Variants in ANK3 observed in about 807,000 individuals in gnomAD.
The protein encoded by ANK3 is ankyrin 3.
Under a neutral mutation model 370.9 loss-of-function variants are expected in ANK3, and 57 were observed. The observed-to-expected ratio is 0.15, with a 90% CI of 0.12 to 0.19. The LOEUF is 0.19. ANK3 is among the 10% of genes least tolerant of loss of function. The pLI, the probability that ANK3 is intolerant of heterozygous loss-of-function variation, is 1.00. For missense variants in ANK3, 4,439 were observed against 5,302.1 expected, an observed-to-expected ratio of 0.84 and a Z score of 5.06; for synonymous variants, 1,929 against 1,946.3, an observed-to-expected ratio of 0.99 and a Z score of 0.23.
chr10:60,046,419 T>C (rs2076974925), intron 42 of ANK3, among the ~76,000 whole-genome samples: 1 of 152,184 alleles, frequency 6.6e-6, no homozygotes, highest in Non-Finnish European at 1.5e-5. Flanking sequence ...TAAAATGGTA[T>C]CCTATTGGGC....
chr10:60,495,857 G>A (rs571556007), intron 2 of ANK3, among the ~76,000 whole-genome samples: 1 of 152,168 alleles, frequency 6.6e-6, no homozygotes, highest in East Asian at 1.9e-4. Flanking sequence ...ACTCCCAAAG[G>A]CTTGTCTTCA....
At chr10:60,529,868 A>T (rs1274596034) in intron 2 of ANK3, among the ~76,000 whole-genome samples, 1 of 152,198 alleles carries the variant, frequency 6.6e-6, no homozygotes, top group Non-Finnish European at 1.5e-5. Flanking sequence ...AAGCCTCAGA[A>T]TTTGTTTTCG....
chr10:60,378,299 G>T (rs558578537), intron 1 of ANK3, among the ~76,000 whole-genome samples: 1 of 152,202 alleles, frequency 6.6e-6, no homozygotes, highest in African/African-American at 2.4e-5. Context: ...AAATTAGTCT[G>T]TTTTAAAGCC....
intron 40 of ANK3, chr10:60,060,279 G>C: frequency 7.9e-6 from 2 of 252,544 alleles, no homozygotes; most frequent in Admixed American, 9.8e-5. Context: ...CTAATCCAAA[G>C]TATGCAGACT....
intron 40 of ANK3, chr10:60,061,982 G>C (rs1310791530): frequency 6.6e-6 from 1 of 152,066 alleles, no homozygotes; most frequent in African/African-American, 2.4e-5. Flanking sequence ...ATTCATTATA[G>C]AGGCTGGGTG....
At chr10:60,538,557 T>C (rs2076774775) in intron 2 of ANK3, among the ~76,000 whole-genome samples, 1 of 151,930 alleles carries the variant, frequency 6.6e-6, no homozygotes. Context: ...TATCCAGTCA[T>C]GCATATAGCC....
chr10:60,679,257 G>A (rs1017332131), intron 1 of ANK3, among the ~76,000 whole-genome samples: 4 of 152,166 alleles, frequency 2.6e-5, no homozygotes, highest in East Asian at 1.9e-4. Flanking sequence ...GTTACAGTAC[G>A]TAGTTAAGCG....
intron 2 of ANK3, among the ~76,000 whole-genome samples, chr10:60,421,490 G>C (rs755728840): frequency 5.3e-5 from 8 of 151,950 alleles, no homozygotes; most frequent in Non-Finnish European, 1.0e-4. Context: ...ACCAGCCTGT[G>C]AAACTAGAGA....
chr10:60,360,931 T>C (rs1039509466), intron 1 of ANK3, among the ~76,000 whole-genome samples: 7 of 152,196 alleles, frequency 4.6e-5, no homozygotes, highest in Admixed American at 6.5e-5. Context: ...AGAAAGATTA[T>C]CAATTTTTTT....
At chr10:60,291,902 C>G (rs551421084) in intron 1 of ANK3, among the ~76,000 whole-genome samples, 1 of 152,056 alleles carries the variant, frequency 6.6e-6, no homozygotes, top group Non-Finnish European at 1.5e-5. Flanking sequence ...TCAGTAGAGA[C>G]GGAGTTTTGC....
intron 23 of ANK3, among the ~76,000 whole-genome samples, chr10:60,145,553 G>A (rs1365358968): frequency 6.6e-6 from 1 of 152,024 alleles, no homozygotes; most frequent in African/African-American, 2.4e-5. Flanking sequence ...CACTGTGTTT[G>A]GTGTTTTATA....
chr10:60,182,833 T>TG (rs2096234945), intron 17 of ANK3, among the ~76,000 whole-genome samples: 1 of 152,228 alleles, frequency 6.6e-6, no homozygotes, highest in African/African-American at 2.4e-5. Context: ...GGAGGACTGA[T>TG]GCATTCACTT....
intron 2 of ANK3, among the ~76,000 whole-genome samples, chr10:60,549,053 A>G (rs2077033473): frequency 6.6e-6 from 1 of 152,012 alleles, no homozygotes; most frequent in Admixed American, 6.6e-5. Flanking sequence ...AGCCTTTATT[A>G]CCAGTCCTTC....
intron 2 of ANK3, among the ~76,000 whole-genome samples, chr10:60,414,548 G>T (rs2063622396): frequency 6.6e-6 from 1 of 152,082 alleles, no homozygotes; most frequent in Non-Finnish European, 1.5e-5. Context: ...CAATTTTTTT[G>T]AGGGAGATCT....
chr10:60,151,415 T>C (rs2095109934), intron 23 of ANK3, among the ~76,000 whole-genome samples: 1 of 152,126 alleles, frequency 6.6e-6, no homozygotes, highest in Non-Finnish European at 1.5e-5. Context: ...CTGGCTTAGT[T>C]AGGCTTTTAA....
At chr10:60,562,516 C>T (rs2077361661) in intron 2 of ANK3, among the ~76,000 whole-genome samples, 1 of 152,066 alleles carries the variant, frequency 6.6e-6, no homozygotes, top group South Asian at 2.1e-4. Context: ...CAGGTTCCAG[C>T]GATTCTCCTG....
intron 2 of ANK3, among the ~76,000 whole-genome samples, chr10:60,429,327 AG>A (rs2063961629): frequency 6.6e-6 from 1 of 152,188 alleles, no homozygotes. Flanking sequence ...TAAGAAAGAA[AG>A]GAAGTAAAAG....
In ANK3 at chr10:60,500,358, G is replaced by A. The variant is rs539599492; in HGVS notation, c.96+114828C>T. 2.6e-5 allele frequency among the ~76,000 whole-genome samples: 4 copies of A among 152,202 alleles called. No homozygotes were observed. In the East Asian group the frequency reaches 7.7e-4, roughly 29 times the overall value. On this transcript the variant is annotated intron_variant, in intron 2 of 43. Transcript: ENST00000373827. ...CCAAACCTCAAATTTGGCTTTTATG[G>A]GTAACAGCTAGTTAAGCATGATGAA...
intron 2 of ANK3, among the ~76,000 whole-genome samples, chr10:60,586,627 T>C (rs370779465): frequency 2.6e-5 from 4 of 152,294 alleles, no homozygotes; most frequent in African/African-American, 9.6e-5. Flanking sequence ...AGATGTGTGC[T>C]CTGCTTCTAC....
Sources: gnomAD v4.1 joint callset for allele counts (sites outside exome capture counted in the v4.1 genomes callset) on GRCh38, gnomAD v4.1.1 for gene constraint, MANE v1.5 for transcripts, NCBI Gene and HGNC (gene_info 2026-07-23, HGNC 2026-07-21) for gene names.